TNIK: variants seen among roughly 807,000 people sequenced by gnomAD.
The protein encoded by TNIK is TRAF2 and NCK-interacting protein kinase.
Under a neutral mutation model 191.3 loss-of-function variants are expected in TNIK, and 49 were observed. The observed-to-expected ratio is 0.26, with a 90% CI of 0.20 to 0.32. The LOEUF (loss-of-function observed/expected upper bound fraction) is 0.32, where lower values mean the gene tolerates loss of function less well. Ranked by LOEUF, TNIK falls within the 10% of genes least tolerant of loss-of-function variation. TNIK has a pLI of 1.00. For missense variants in TNIK, 1,155 were observed against 1,702.3 expected, an observed-to-expected ratio of 0.68 and a Z score of 5.66; for synonymous variants, 594 against 600.9, an observed-to-expected ratio of 0.99 and a Z score of 0.17.
intron 2 of TNIK, among the ~76,000 whole-genome samples, chr3:171,334,113 G>A (rs1756708453): frequency 6.6e-6 from 1 of 152,236 alleles, no homozygotes; most frequent in Non-Finnish European, 1.5e-5. Context: ...AGTGGGTGGG[G>A]CTGATCACAA....
chr3:171,217,792 A>C (rs1219704721), intron 3 of TNIK, among the ~76,000 whole-genome samples: 1 of 152,114 alleles, frequency 6.6e-6, no homozygotes, highest in Non-Finnish European at 1.5e-5. Flanking sequence ...AAGAAACCTA[A>C]GTTTAAGCTG....
chr3:171,337,917 G>A (rs970871002), intron 2 of TNIK, among the ~76,000 whole-genome samples: 1 of 152,170 alleles, frequency 6.6e-6, no homozygotes, highest in African/African-American at 2.4e-5. Flanking sequence ...GAAACTGATA[G>A]AGAACCCTAG....
intron 14 of TNIK, 105 bp from the exon 15 acceptor site, chr3:171,138,484 A>G (rs1730346095): frequency 9.3e-7 from 1 of 1,080,378 alleles, no homozygotes; most frequent in Non-Finnish European, 1.3e-6. Flanking sequence ...AATGCTAAAT[A>G]ACAAAGGATC....
chr3:171,401,203 G>C (rs1465623743), intron 1 of TNIK, among the ~76,000 whole-genome samples: 5 of 152,124 alleles, frequency 3.3e-5, no homozygotes, highest in Non-Finnish European at 1.5e-5. Flanking sequence ...GATCACCCTT[G>C]AATGAAAGAG....
At chr3:171,206,335 GTA>G (rs60356829) in intron 4 of TNIK, among the ~76,000 whole-genome samples, 101 of 132,656 alleles carry the variant, frequency 7.6e-4, no homozygotes, top group Admixed American at 7.5e-4. Context: ...ATATGTTCGT[GTA>G]TATATATATA....
intron 1 of TNIK, among the ~76,000 whole-genome samples, chr3:171,455,148 T>C (rs371843350): frequency 2.6e-5 from 4 of 152,176 alleles, no homozygotes; most frequent in East Asian, 1.9e-4. Context: ...CAAGGTCACA[T>C]TGGTACACAA....
intron 12 of TNIK, among the ~76,000 whole-genome samples, chr3:171,145,188 G>A (rs1325235465): frequency 8.6e-5 from 13 of 151,114 alleles, no homozygotes; most frequent in African/African-American, 1.9e-4. Flanking sequence ...CCGGGTTCAC[G>A]CCATTCTCCT....
At chr3:171,069,039 G>T (rs569234047) in intron 29 of TNIK, 42 bp from the exon 30 acceptor site, 9 of 1,565,306 alleles carry the variant, frequency 5.7e-6, no homozygotes, top group Middle Eastern at 1.7e-4. Flanking sequence ...ACTCAAAGAG[G>T]CATCTTAATT....
intron 10 of TNIK, among the ~76,000 whole-genome samples, chr3:171,162,246 C>A (rs975578695): frequency 1.3e-5 from 2 of 151,796 alleles, no homozygotes; most frequent in African/African-American, 4.8e-5. Flanking sequence ...ACAGTGAAAC[C>A]CCATCTCTAC....
chr3:171,230,733 C>T (rs1011046866), intron 2 of TNIK, among the ~76,000 whole-genome samples: 16 of 152,140 alleles, frequency 1.1e-4, no homozygotes, highest in Admixed American at 8.5e-4. Context: ...CCTCACTTGT[C>T]GATTCCTCGT....
intron 1 of TNIK, among the ~76,000 whole-genome samples, chr3:171,433,449 C>T (rs549649719): frequency 6.6e-6 from 1 of 152,192 alleles, no homozygotes; most frequent in Admixed American, 6.5e-5. Context: ...CCTTATGAAA[C>T]CAGATGTAAT....
chr3:171,389,621 A>G (rs1719201691), intron 1 of TNIK, among the ~76,000 whole-genome samples: 1 of 152,140 alleles, frequency 6.6e-6, no homozygotes, highest in Non-Finnish European at 1.5e-5. Flanking sequence ...CATTTAACGG[A>G]ACATAGAGTA....
intron 1 of TNIK, among the ~76,000 whole-genome samples, chr3:171,452,238 A>C (rs1728250200): frequency 6.6e-6 from 1 of 152,190 alleles, no homozygotes; most frequent in African/African-American, 2.4e-5. Flanking sequence ...CTCATTTAAA[A>C]ATTAGAAAGG....
chr3:171,416,811 C>T (rs1344257759), intron 1 of TNIK, among the ~76,000 whole-genome samples: 1 of 152,168 alleles, frequency 6.6e-6, no homozygotes, highest in Non-Finnish European at 1.5e-5. Flanking sequence ...CTAGGCCTGT[C>T]CTTTACGCTT....
intron 28 of TNIK, among the ~76,000 whole-genome samples, chr3:171,073,597 G>T (rs888528383): frequency 2.0e-5 from 3 of 152,050 alleles, no homozygotes; most frequent in Admixed American, 1.3e-4. Context: ...CAACCTACAT[G>T]ATGGGAGAAA....
chr3:171,133,813 G>A (rs1729628966), intron 15 of TNIK, among the ~76,000 whole-genome samples: 1 of 152,140 alleles, frequency 6.6e-6, no homozygotes, highest in Non-Finnish European at 1.5e-5. Context: ...TGGAGAAGGA[G>A]TTTTTATACA....
chr3:171,368,185 C>G (rs1716003503), intron 2 of TNIK, among the ~76,000 whole-genome samples: 1 of 152,172 alleles, frequency 6.6e-6, no homozygotes, highest in South Asian at 2.1e-4. Context: ...GTGTACCAAG[C>G]TGTGAAATGT....
intron 2 of TNIK, among the ~76,000 whole-genome samples, chr3:171,320,964 T>C (rs915241819): frequency 4.6e-5 from 7 of 152,202 alleles, no homozygotes; most frequent in African/African-American, 1.7e-4. Flanking sequence ...TGCAGCATAC[T>C]CCAACCTTAG....
chr3:171,173,395 C>CAAAA (rs57114753), intron 9 of TNIK, among the ~76,000 whole-genome samples: 2 of 120,696 alleles, frequency 1.7e-5, no homozygotes, highest in South Asian at 2.7e-4. Flanking sequence ...GACTCCGTCT[C>CAAAA]AAAAAAAAAA....
Sources: gnomAD v4.1 joint callset for allele counts (sites outside exome capture counted in the v4.1 genomes callset) on GRCh38, gnomAD v4.1.1 for gene constraint, MANE v1.5 for transcripts, NCBI Gene and HGNC (gene_info 2026-07-23, HGNC 2026-07-21) for gene names.